The following GJA5 variants were observed in gnomAD, a reference collection of about 807,000 sequenced individuals.
GJA5 encodes gap junction alpha-5 protein.
Under a neutral mutation model 7.9 loss-of-function variants are expected in GJA5, and 3 were observed. The ratio of observed to expected loss-of-function variants is 0.38; its 90% confidence interval spans 0.17 to 0.99. The LOEUF is 0.99. Among genes scored for constraint, GJA5 ranks in the 50% least tolerant of loss-of-function variants. The pLI is 0.38. For missense variants in GJA5, 390 were observed against 457.9 expected, an observed-to-expected ratio of 0.85 and a Z score of 1.35; for synonymous variants, 193 against 181.0, an observed-to-expected ratio of 1.07 and a Z score of -0.53.
At chr1:147,759,324 G>A in intron 1 of GJA5, 53 bp from the exon 2 acceptor site, 1 of 921,616 alleles carries the variant, frequency 1.1e-6, no homozygotes, top group African/African-American at 1.6e-5. Context: ...TTCTGTGAAG[G>A]TCTGGAATGT....
rs1553227075 is a variant in GJA5 at position 147,759,059 on chromosome 1, G to A, written c.180C>T (p.Gly60=). ...ADFRCDTIQP[G]CQNVCYDQAF... ...CCTGGTCGTAGCAGACATTCTGGCAGCCAGGCTGAATCGTATCACACCGGA... is the reference window on the plus strand; with the variant it reads ...CCTGGTCGTAGCAGACATTCTGGCAACCAGGCTGAATCGTATCACACCGGA... Residue 60 remains glycine, a synonymous_variant, in exon 2 of 2, where the codon GGC becomes GGT. Coordinates refer to ENST00000579774, the MANE Select transcript of GJA5 (RefSeq NM_181703.4). 1 of 1,613,624 alleles carries A rather than the reference G, an allele frequency of 6.2e-7. No individual in the cohort carries two copies. Among genetic ancestry groups the A allele is most frequent in the South Asian group, 1.1e-5 (1 of 90,974 alleles).
rs1230873492 is a variant in GJA5 at position 147,756,335 on chromosome 1, TAGA to T, written c.*1824_*1826del. 2 of 152,184 alleles carry T rather than the reference TAGA, an allele frequency of 1.3e-5. No homozygotes were observed. Among genetic ancestry groups the T allele is most frequent in the Non-Finnish European group, 1.5e-5 (1 of 68,026 alleles). The allele number at this position is 152,184 out of a possible 1,614,324, so 9.4% of individuals were successfully genotyped here. A position where few individuals can be genotyped will look rare whatever the true frequency, so the allele number is the denominator to read the frequency against. ...CTCATTTCATAAAACATTTCAGAGA[TAGA>T]AGGAGAGAAAATATTAATGCTAGGC... On this transcript the variant is annotated 3_prime_UTR_variant, in exon 2 of 2. Coordinates refer to ENST00000579774, the MANE Select transcript of GJA5 (RefSeq NM_181703.4).
At chr1:147,768,033 A>C (rs587752367) in intron 1 of GJA5, among the ~76,000 whole-genome samples, 2 of 152,294 alleles carry the variant, frequency 1.3e-5, no homozygotes, top group East Asian at 3.9e-4. Flanking sequence ...ATGATCAGGC[A>C]TGTGATGTAA....
chr1:147,761,533 A>G (rs1461143240), upstream of GJA5, among the ~76,000 whole-genome samples: 3 of 152,190 alleles, frequency 2.0e-5, no homozygotes, highest in Non-Finnish European at 2.9e-5. Flanking sequence ...AGCGGAAAGC[A>G]TCTTATCTCT....
rs782281038 is a variant in GJA5 at position 147,758,978 on chromosome 1, C to T, written c.261G>A (p.Thr87=). Residue 87 remains threonine, a synonymous_variant, in exon 2 of 2, where the codon ACG becomes ACA. Coordinates refer to ENST00000579774, the MANE Select transcript of GJA5 (RefSeq NM_181703.4). ...CGTGGCCCATGTACACCAGAGAGGG[C>T]GTGGAGACGAAGATGATCTGCAGCA... The part of the protein sequence containing the change: ...YWVLQIIFVS[T]PSLVYMGHAM... 1.2e-6 allele frequency: 2 copies of T among 1,614,022 alleles called. No individual in the cohort carries two copies. Among genetic ancestry groups the T allele is most frequent in the East Asian group, 2.2e-5 (1 of 44,878 alleles).
chr1:147,765,499 G>C (rs1351569277), upstream of GJA5, among the ~76,000 whole-genome samples: 1 of 152,150 alleles, frequency 6.6e-6, no homozygotes, highest in Non-Finnish European at 1.5e-5. Context: ...AGGAGTTAGG[G>C]GTATGTGATG....
At chr1:147,759,660 C>T (rs887627405) in intron 1 of GJA5, among the ~76,000 whole-genome samples, 1 of 152,098 alleles carries the variant, frequency 6.6e-6, no homozygotes, top group Non-Finnish European at 1.5e-5. Flanking sequence ...AGGGACCGCA[C>T]CTGGAGAAAC....
upstream of GJA5, among the ~76,000 whole-genome samples, chr1:147,763,402 G>A (rs1375639238): frequency 6.6e-6 from 1 of 152,194 alleles, no homozygotes; most frequent in African/African-American, 2.4e-5. Context: ...AGTATAAGGT[G>A]TCATGGGAAT....
chr1:147,773,076 CT>C (rs1664474261), intron 1 of GJA5, among the ~76,000 whole-genome samples: 1 of 152,174 alleles, frequency 6.6e-6, no homozygotes, highest in Non-Finnish European at 1.5e-5. Context: ...CTAAACCTTC[CT>C]TTTTAATATA....
chr1:147,772,721 C>A (rs12042002), intron 1 of GJA5, among the ~76,000 whole-genome samples: 1 of 140,430 alleles, frequency 7.1e-6, no homozygotes, highest in Admixed American at 7.7e-5. Context: ...CACTGCACAG[C>A]GGGGACATGA....
In GJA5 at chr1:147,758,415, G is replaced by C. The variant is rs1386910689; in HGVS notation, c.824C>G (p.Pro275Arg). The C allele has an allele frequency of 1.9e-6, 3 of 1,614,036 alleles. No homozygotes were observed. The highest frequency in any genetic ancestry group is 3.3e-5 in the Admixed American group (2 of 60,002). Reference protein sequence around the residue: ...PDFNQCLENGPGGKFFNPFSN... With the variant: ...PDFNQCLENGRGGKFFNPFSN... The stretch of plus-strand genomic sequence containing the variant: ...GAAGGGATTGAAGAATTTTCCCCCA[G>C]GGCCATTCTCCAGGCACTGATTAAA... The change falls in exon 2 of 2, where the codon CCT (proline) becomes CGT (arginine). Residue 275 changes from proline (P) to arginine (R), a missense_variant. By Grantham distance (103) the Pro-to-Arg change is moderately radical. This residue lies in a region of GJA5 where 354 missense variants were observed against 370.9 expected (regional missense o/e 0.95). Transcript: ENST00000579774.
chr1:147,760,175 T>C (rs1553227237), intron 1 of GJA5, among the ~76,000 whole-genome samples: 2 of 152,144 alleles, frequency 1.3e-5, no homozygotes, highest in African/African-American at 4.8e-5. Flanking sequence ...CTGTGTCTCA[T>C]TTAAATAAGG....
intron 1 of GJA5, among the ~76,000 whole-genome samples, chr1:147,770,380 G>A (rs889484036): frequency 2.0e-5 from 3 of 151,980 alleles, no homozygotes; most frequent in Non-Finnish European, 2.9e-5. Context: ...GCAAAGCCAA[G>A]AAACAAGTCC....
At chr1:147,768,701 C>T (rs779356060) in intron 1 of GJA5, among the ~76,000 whole-genome samples, 9 of 152,162 alleles carry the variant, frequency 5.9e-5, no homozygotes, top group Non-Finnish European at 1.3e-4. Context: ...TTGAGTATTT[C>T]CCATGTGTGA....
chr1:147,765,495 T>G (rs1281716706), upstream of GJA5, among the ~76,000 whole-genome samples: 1 of 152,040 alleles, frequency 6.6e-6, no homozygotes, highest in East Asian at 1.9e-4. Context: ...GTGTAGGAGT[T>G]AGGGGTATGT....
At position 147,757,137 on chromosome 1, in the gene GJA5, A is replaced by T. The variant is rs1557941375; in HGVS notation, c.*1025T>A. 6.6e-6 allele frequency: 1 copy of T among 151,790 alleles called. No individual in the cohort carries two copies. The highest frequency in any genetic ancestry group is 2.4e-5 in the African/African-American group (1 of 41,310). The allele number at this position is 151,790 out of a possible 1,614,324, so 9.4% of individuals were successfully genotyped here. A position where few individuals can be genotyped will look rare whatever the true frequency, so the allele number is the denominator to read the frequency against. The stretch of plus-strand genomic sequence containing the variant: ...TTTTTATTTTCATCTTCACAGCAGA[A>T]TTTTTTTTTCCACAAGGGGAATCTG... On this transcript the variant is annotated 3_prime_UTR_variant, in exon 2 of 2. Coordinates refer to ENST00000579774, the MANE Select transcript of GJA5 (RefSeq NM_181703.4).
chr1:147,770,320 A>C (rs907466349), intron 1 of GJA5, among the ~76,000 whole-genome samples: 2 of 152,198 alleles, frequency 1.3e-5, no homozygotes, highest in African/African-American at 4.8e-5. Context: ...AAGTTAGAAC[A>C]TCTGGGGAGT....
Position 147,758,487 on chromosome 1 carries a change from GA to G in GJA5, c.751del (p.Ser251LeufsTer7). 6.2e-7 allele frequency: 1 copy of G among 1,614,252 alleles called. No homozygotes were observed. Among genetic ancestry groups the G allele is most frequent in the South Asian group, 1.1e-5 (1 of 91,088 alleles). The stretch of plus-strand genomic sequence containing the variant: ...CTGGACTATGCCCACAGAGGGGCCA[GA>G]AAGCTGGCACTTAGCCATGTGCTGC... ...PRQHMAKCQL[S>X]GPSVGIVQSC... On this transcript the variant is annotated frameshift_variant, in exon 2 of 2. Coordinates refer to ENST00000579774, the MANE Select transcript of GJA5 (RefSeq NM_181703.4). LOFTEE classifies it low-confidence loss of function (END_TRUNC).
Position 147,758,875 on chromosome 1 carries a change from A to T in GJA5, c.364T>A (p.Ser122Thr). ...TTCTCTGCCACCGGGTACTCGTAAGAGCCAGAGCCCCGGACCTCTTTGGCC... is the reference window on the plus strand; with the variant it reads ...TTCTCTGCCACCGGGTACTCGTAAGTGCCAGAGCCCCGGACCTCTTTGGCC... ...ERAKEVRGSG[S>T]YEYPVAEKAE... The change falls in exon 2 of 2, where the codon TCT (serine) becomes ACT (threonine). Residue 122 changes from serine (S) to threonine (T), a missense_variant. Physicochemically the swap from Ser to Thr is moderately conservative, Grantham distance 58. This residue lies in a region of GJA5 where 354 missense variants were observed against 370.9 expected (regional missense o/e 0.95). Coordinates refer to ENST00000579774, the MANE Select transcript of GJA5 (RefSeq NM_181703.4). 3 of 1,614,208 alleles carry T rather than the reference A, an allele frequency of 1.9e-6. No homozygotes were observed. Among genetic ancestry groups the T allele is most frequent in the Non-Finnish European group, 2.5e-6 (3 of 1,180,030 alleles).
Sources: allele counts gnomAD v4.1 joint callset (sites outside exome capture counted in the v4.1 genomes callset), GRCh38; gene constraint gnomAD v4.1.1; regional missense constraint gnomAD v4.1.1; transcripts MANE v1.5; gene names NCBI Gene and HGNC (gene_info 2026-07-23, HGNC 2026-07-21).